Variants in HDAC9 observed in about 807,000 individuals in gnomAD.
The protein encoded by HDAC9 is histone deacetylase 9.
A neutral mutation model predicts 139.4 loss-of-function variants in HDAC9; 41 were observed. The ratio of observed to expected loss-of-function variants is 0.29; its 90% CI spans 0.23 to 0.38. HDAC9 has a LOEUF of 0.38. HDAC9 is among the 10% of genes least tolerant of loss of function. The probability of loss-of-function intolerance (pLI) is 1.00; values close to 1 mark genes in which losing one functional copy is unlikely to be tolerated. For synonymous variants in HDAC9, 517 were observed against 476.2 expected, an observed-to-expected ratio of 1.09 and a Z score of -1.12; for missense variants, 1,147 against 1,297.0, an observed-to-expected ratio of 0.88 and a Z score of 1.78.
At chr7:18,151,925 G>C (rs532100887) in intron 1 of HDAC9, 1 of 152,308 alleles carries the variant, frequency 6.6e-6, no homozygotes, top group East Asian at 1.9e-4. Flanking sequence ...TTCACTGAGC[G>C]TAGTAGCTAT....
intron 2 of HDAC9, among the ~76,000 whole-genome samples, chr7:18,549,540 A>G (rs181883090): frequency 1.3e-5 from 2 of 152,296 alleles, no homozygotes; most frequent in East Asian, 3.9e-4. Flanking sequence ...TATTGAAGGA[A>G]AAAAAGCCAA....
At chr7:18,365,698 A>C (rs1029005876) in intron 1 of HDAC9, among the ~76,000 whole-genome samples, 4 of 152,064 alleles carry the variant, frequency 2.6e-5, no homozygotes, top group Non-Finnish European at 4.4e-5. Context: ...ATGTTTTAAA[A>C]AGTGTGGGCT....
rs972260466 is a variant in HDAC9, at chr7:18,162,520, T to G, written c.25+171T>G. On this transcript the variant is annotated intron_variant, in intron 2 of 12. Transcript: ENST00000417496. ...CATTCGATAGCTAATTCTCTATTGCTTAACCCAGTTTGCTTCCTGGACAAC... is the reference window on the plus strand; with the variant it reads ...CATTCGATAGCTAATTCTCTATTGCGTAACCCAGTTTGCTTCCTGGACAAC... The G allele has an allele frequency of 7.5e-5, 46 of 610,086 alleles. No individual in the cohort carries two copies. In the African/African-American group the frequency reaches 7.6e-4, roughly 10 times the overall value. 37.8% of individuals were successfully genotyped at this position (610,086 alleles called of 1,614,324 possible).
At chr7:18,940,732 A>T (rs1464829301) in intron 23 of HDAC9, among the ~76,000 whole-genome samples, 1 of 152,170 alleles carries the variant, frequency 6.6e-6, no homozygotes, top group African/African-American at 2.4e-5. Flanking sequence ...CAGTTGCTTT[A>T]AGGCCAAATT....
At chr7:18,366,537 A>G (rs1202181431) in intron 1 of HDAC9, among the ~76,000 whole-genome samples, 1 of 152,120 alleles carries the variant, frequency 6.6e-6, no homozygotes, top group African/African-American at 2.4e-5. Flanking sequence ...TTCTTGGCTG[A>G]TGAACTTTTA....
intron 12 of HDAC9, among the ~76,000 whole-genome samples, chr7:18,715,999 G>T (rs1408474026): frequency 6.6e-6 from 1 of 152,142 alleles, no homozygotes; most frequent in African/African-American, 2.4e-5. Context: ...AAATAGAAAT[G>T]ATTTATGTTA....
intron 7 of HDAC9, among the ~76,000 whole-genome samples, chr7:18,632,981 C>T (rs1471482550): frequency 6.6e-6 from 1 of 151,942 alleles, no homozygotes; most frequent in Non-Finnish European, 1.5e-5. Flanking sequence ...GAGTTTTACA[C>T]ATATGTAGGG....
chr7:18,759,578 A>G (rs1471934104), intron 14 of HDAC9, among the ~76,000 whole-genome samples: 1 of 152,100 alleles, frequency 6.6e-6, no homozygotes, highest in African/African-American at 2.4e-5. Flanking sequence ...ATTTCATTAC[A>G]TATTAAAATG....
chr7:18,857,757 A>G (rs888318857), intron 21 of HDAC9, among the ~76,000 whole-genome samples: 11 of 152,090 alleles, frequency 7.2e-5, no homozygotes, highest in African/African-American at 2.7e-4. Flanking sequence ...TGTTCAATGA[A>G]TGTTCCAGGA....
At chr7:18,191,212 G>C (rs1335761145) in intron 2 of HDAC9, among the ~76,000 whole-genome samples, 4 of 152,116 alleles carry the variant, frequency 2.6e-5, no homozygotes, top group African/African-American at 9.7e-5. Flanking sequence ...TTACAATAAA[G>C]TAAGCTATAC....
At chr7:18,763,162 A>G (rs1391754202) in intron 15 of HDAC9, among the ~76,000 whole-genome samples, 3 of 152,240 alleles carry the variant, frequency 2.0e-5, no homozygotes, top group African/African-American at 7.2e-5. Flanking sequence ...ATTCAATATT[A>G]TTTCAAAATT....
chr7:18,294,266 A>G (rs1031994650), intron 1 of HDAC9, among the ~76,000 whole-genome samples: 14 of 152,150 alleles, frequency 9.2e-5, no homozygotes, highest in Non-Finnish European at 1.9e-4. Flanking sequence ...CCCTGGGATT[A>G]GAGAATCATG....
chr7:18,127,850 TCTTTTG>T (rs1253649357), intron 1 of HDAC9, among the ~76,000 whole-genome samples: 3 of 152,116 alleles, frequency 2.0e-5, no homozygotes, highest in Admixed American at 2.0e-4. Flanking sequence ...TATTCAGATT[TCTTTTG>T]CTTTTGATTC....
chr7:18,920,420 A>G (rs1803595079), intron 22 of HDAC9, among the ~76,000 whole-genome samples: 2 of 152,118 alleles, frequency 1.3e-5, no homozygotes, highest in Admixed American at 1.3e-4. Context: ...TTCTAGATAT[A>G]CAATCATGTC....
intron 2 of HDAC9, among the ~76,000 whole-genome samples, chr7:18,263,358 C>T (rs545043946): frequency 3.9e-5 from 6 of 152,092 alleles, no homozygotes; most frequent in Non-Finnish European, 8.8e-5. Context: ...ATTTCATTAA[C>T]ACTCTGGTCC....
chr7:18,375,829 A>T (rs1023245198), intron 1 of HDAC9, among the ~76,000 whole-genome samples: 1 of 152,214 alleles, frequency 6.6e-6, no homozygotes, highest in Non-Finnish European at 1.5e-5. Flanking sequence ...ACAGCTTGGT[A>T]TCCATGCCTC....
chr7:18,967,657 T>C (rs2129332512), intron 24 of HDAC9, among the ~76,000 whole-genome samples: 1 of 152,288 alleles, frequency 6.6e-6, no homozygotes, highest in African/African-American at 2.4e-5. Context: ...GTACTTAGCA[T>C]TACGTATGGA....
chr7:18,632,553 A>G (rs372047769), intron 7 of HDAC9, among the ~76,000 whole-genome samples: 2 of 152,102 alleles, frequency 1.3e-5, no homozygotes, highest in African/African-American at 4.8e-5. Flanking sequence ...AGGAGGATAC[A>G]AAAGCATGAA....
At chr7:18,666,964 A>G (rs1050583106) in intron 12 of HDAC9, 7 of 988,196 alleles carry the variant, frequency 7.1e-6, no homozygotes, top group African/African-American at 7.0e-5. Flanking sequence ...GTATCATACT[A>G]TAGTCTTGAA....
Sources: gnomAD v4.1 joint callset for allele counts (sites outside exome capture counted in the v4.1 genomes callset) on GRCh38, gnomAD v4.1.1 for gene constraint, MANE v1.5 for transcripts, NCBI Gene and HGNC (gene_info 2026-07-23, HGNC 2026-07-21) for gene names.